The following NBEAL1 variants were observed in gnomAD, a reference collection of about 807,000 sequenced individuals.
NBEAL1 encodes neurobeachin like 1.
In NBEAL1, 273 loss-of-function variants were observed where a neutral mutation model predicts 351.3. The observed-to-expected ratio is 0.78, with a 90% confidence interval of 0.70 to 0.86. The LOEUF (loss-of-function observed/expected upper bound fraction) is 0.86, where lower values mean the gene tolerates loss of function less well. Ranked by LOEUF, NBEAL1 falls within the 40% of genes least tolerant of loss-of-function variation. The pLI is 0.00. For missense variants in NBEAL1, 2,961 were observed against 3,201.3 expected (o/e 0.92, Z 1.81); for synonymous variants, 1,050 against 1,086.4 (o/e 0.97, Z 0.66).
At chr2:203,069,835 T>A (rs1299629305) in intron 7 of NBEAL1, among the ~76,000 whole-genome samples, 3 of 151,942 alleles carry the variant, frequency 2.0e-5, no homozygotes, top group East Asian at 1.9e-4. Context: ...TATAAAAAAA[T>A]TTTTTATGGA....
chr2:203,025,416 C>T (rs1174154363), intron 2 of NBEAL1, among the ~76,000 whole-genome samples: 1 of 152,126 alleles, frequency 6.6e-6, no homozygotes, highest in East Asian at 1.9e-4. Context: ...GTTTTAGAAA[C>T]AAGTCTTGAA....
At chr2:203,080,626 C>G (rs2106159176) in intron 8 of NBEAL1, among the ~76,000 whole-genome samples, 1 of 152,070 alleles carries the variant, frequency 6.6e-6, no homozygotes, top group African/African-American at 2.4e-5. Flanking sequence ...TTTATTTGTC[C>G]TGTCCTTTTT....
chr2:203,059,015 C>A (rs1404102176), intron 6 of NBEAL1, among the ~76,000 whole-genome samples: 2 of 152,170 alleles, frequency 1.3e-5, no homozygotes, highest in African/African-American at 4.8e-5. Flanking sequence ...TCATTTTCAA[C>A]TTAACATGAC....
chr2:203,057,088 A>C (rs902031581), intron 5 of NBEAL1, among the ~76,000 whole-genome samples: 1 of 152,154 alleles, frequency 6.6e-6, no homozygotes, highest in African/African-American at 2.4e-5. Context: ...ATTTTTATGT[A>C]TTATTTATTT....
intron 46 of NBEAL1, among the ~76,000 whole-genome samples, chr2:203,193,286 G>C (rs2065148169): frequency 6.6e-6 from 1 of 151,868 alleles, no homozygotes; most frequent in African/African-American, 2.4e-5. Context: ...TTGACATTTT[G>C]ATCTTGTCAA....
At chr2:203,167,142 T>C in intron 37 of NBEAL1, 85 bp from the exon 38 acceptor site, 2 of 1,307,448 alleles carry the variant, frequency 1.5e-6, no homozygotes, top group Non-Finnish European at 2.1e-6. Context: ...TCCTAAAACC[T>C]TTTGTCAAGA....
chr2:203,190,039 GGGA>G (rs767300313), intron 45 of NBEAL1, among the ~76,000 whole-genome samples: 1 of 151,928 alleles, frequency 6.6e-6, no homozygotes, highest in African/African-American at 2.4e-5. Context: ...AGGAGGCTGA[GGGA>G]GGAGAATTGT....
chr2:203,098,029 T>C (rs2062221483), intron 11 of NBEAL1, among the ~76,000 whole-genome samples: 1 of 152,192 alleles, frequency 6.6e-6, no homozygotes, highest in Non-Finnish European at 1.5e-5. Context: ...CTTTGCTTCT[T>C]ATTGACAAGT....
At chr2:203,138,408 C>A in intron 30 of NBEAL1, 93 bp downstream of exon 30, 2 of 1,197,846 alleles carry the variant, frequency 1.7e-6, no homozygotes, top group Non-Finnish European at 2.4e-6. Flanking sequence ...AGCGTTAATG[C>A]TTAATCAGAT....
chr2:203,167,121 G>T (rs768692688), intron 37 of NBEAL1, 106 bp from the exon 38 acceptor site: 3 of 1,037,638 alleles, frequency 2.9e-6, no homozygotes, highest in South Asian at 1.7e-5. Context: ...TACAGAAATT[G>T]AATTCCTTTT....
chr2:203,113,883 G>A (rs1043777490), intron 17 of NBEAL1, among the ~76,000 whole-genome samples: 10 of 147,534 alleles, frequency 6.8e-5, no homozygotes, highest in South Asian at 4.3e-4. Flanking sequence ...GTGCAATGGC[G>A]CGATCCCGGC....
chr2:203,067,491 A>G (rs773786994), intron 6 of NBEAL1, among the ~76,000 whole-genome samples: 2 of 152,208 alleles, frequency 1.3e-5, no homozygotes, highest in African/African-American at 2.4e-5. Flanking sequence ...ATCAATTGAC[A>G]TTTCTTCTTA....
intron 7 of NBEAL1, among the ~76,000 whole-genome samples, chr2:203,077,254 C>T (rs1179270073): frequency 6.6e-6 from 1 of 151,896 alleles, no homozygotes; most frequent in Non-Finnish European, 1.5e-5. Context: ...CCTGTAATCC[C>T]AGCTACTCCG....
chr2:203,140,431 C>T (rs557384844), intron 31 of NBEAL1, among the ~76,000 whole-genome samples: 17 of 151,472 alleles, frequency 1.1e-4, no homozygotes, highest in African/African-American at 3.9e-4. Context: ...ATATCTTTTT[C>T]AGATGTCATG....
intron 46 of NBEAL1, among the ~76,000 whole-genome samples, chr2:203,192,969 T>TC (rs2065136923): frequency 5.3e-5 from 7 of 132,846 alleles, no homozygotes; most frequent in Admixed American, 1.5e-4. Flanking sequence ...CTTTCTTTTT[T>TC]TTTTTTTTTT....
At chr2:203,081,687 C>A (rs372724551) in intron 8 of NBEAL1, among the ~76,000 whole-genome samples, 1 of 152,194 alleles carries the variant, frequency 6.6e-6, no homozygotes, top group Non-Finnish European at 1.5e-5. Context: ...GTCATGCTTA[C>A]TATTCTATTT....
rs776533822 is a variant in NBEAL1, at chr2:203,157,729, C to T, written c.5618C>T (p.Thr1873Ile). The change falls in exon 36 of 56, where the codon ACA becomes ATA. Residue 1873 changes from threonine to isoleucine, a missense_variant. Coordinates refer to ENST00000683969, the MANE Select transcript of NBEAL1 (RefSeq NM_001378026.1). ...GIQHSQPSSD[T>I]LLLEVVKQVK... is the part of the protein sequence containing the mutation. ...CAACACTCACAGCCTTCCAGTGATA[C>T]ATTGCTTTTGGAAGTAGTGAAACAA... is the stretch of plus-strand genomic sequence containing the variant. 3.1e-6 allele frequency: 5 copies of T among 1,599,172 alleles called. No individual in the cohort carries two copies. The highest frequency in any genetic ancestry group is 4.3e-6 in the Non-Finnish European group (5 of 1,173,672).
At chr2:203,014,861 CG>C (rs1217631722), upstream of NBEAL1, 1 of 152,438 alleles carries the variant, frequency 6.6e-6, no homozygotes, top group Non-Finnish European at 1.5e-5. Context: ...CCTCTCGCCC[CG>C]CCCCCATGTC....
At chr2:203,077,253 C>T (rs1231809420) in intron 7 of NBEAL1, among the ~76,000 whole-genome samples, 1 of 151,682 alleles carries the variant, frequency 6.6e-6, no homozygotes, top group Non-Finnish European at 1.5e-5. Context: ...GCCTGTAATC[C>T]CAGCTACTCC....
Sources: gnomAD v4.1 joint callset for allele counts (sites outside exome capture counted in the v4.1 genomes callset) on GRCh38, gnomAD v4.1.1 for gene constraint, MANE v1.5 for transcripts, NCBI Gene and HGNC (gene_info 2026-07-23, HGNC 2026-07-21) for gene names.